SYNDIG1L: variants seen among roughly 807,000 people sequenced by gnomAD.
SYNDIG1L encodes the protein synapse differentiation inducing 1 like.
A neutral mutation model predicts 20.1 loss-of-function variants in SYNDIG1L; 13 were observed. That is an observed-to-expected ratio of 0.65 (90% CI 0.42 to 1.03). The LOEUF is 1.03. Among genes scored for constraint, SYNDIG1L ranks in the 50% least tolerant of loss-of-function variants. SYNDIG1L has a pLI of 0.00. For synonymous variants in SYNDIG1L, 128 were observed against 129.3 expected, an observed-to-expected ratio of 0.99 and a Z score of 0.07; for missense variants, 294 against 305.1, an observed-to-expected ratio of 0.96 and a Z score of 0.27.
chr14:74,415,396 T>G (rs1373296296), intron 1 of SYNDIG1L, among the ~76,000 whole-genome samples: 2 of 152,180 alleles, frequency 1.3e-5, no homozygotes, highest in Non-Finnish European at 2.9e-5. Flanking sequence ...GGGTGGGGCC[T>G]GGGAATTTGC....
chr14:74,418,357 A>G (rs1232330727), intron 1 of SYNDIG1L, among the ~76,000 whole-genome samples: 1 of 152,240 alleles, frequency 6.6e-6, no homozygotes, highest in African/African-American at 2.4e-5. Context: ...TCTTTGTCTC[A>G]GTTTGCCTTC....
chr14:74,471,300 T>C, the SYNDIG1L span, among the ~76,000 whole-genome samples: 1 of 152,064 alleles, frequency 6.6e-6, no homozygotes, highest in African/African-American at 2.4e-5. Flanking sequence ...ATCTTGATAA[T>C]AAAGTCTAAT....
In SYNDIG1L at chr14:74,407,391, G is replaced by A; in HGVS notation, c.*144C>T. The A allele has an allele frequency of 8.6e-7, 1 of 1,169,410 alleles. No individual in the cohort carries two copies. The allele number at this position is 1,169,410 out of a possible 1,614,324, so 72.4% of individuals were successfully genotyped here. ...CAGAAGTGAAGGCTGAGCTCTGCAG[G>A]CTGTGGAATGGGGGTCTCCCCCTCA... On this transcript the variant is annotated 3_prime_UTR_variant, in exon 4 of 4. Coordinates refer to ENST00000331628, the MANE Select transcript of SYNDIG1L (RefSeq NM_001105579.2).
chr14:74,424,146 C>T (rs2086246997), intron 1 of SYNDIG1L, among the ~76,000 whole-genome samples: 1 of 152,164 alleles, frequency 6.6e-6, no homozygotes. Flanking sequence ...ATCCTGTATT[C>T]AAGCAGAATT....
At chr14:74,446,342 A>C in the SYNDIG1L span, among the ~76,000 whole-genome samples, 1 of 151,838 alleles carries the variant, frequency 6.6e-6, no homozygotes, top group African/African-American at 2.4e-5. Flanking sequence ...GAAATTTTCT[A>C]AAATAAGCAC....
chr14:74,436,047 G>A, the SYNDIG1L span, among the ~76,000 whole-genome samples: 128 of 152,278 alleles, frequency 8.4e-4, no homozygotes, highest in African/African-American at 2.8e-3. Flanking sequence ...ACAGAAAACA[G>A]GGTAGGTTCT....
chr14:74,457,217 C>T, the SYNDIG1L span, among the ~76,000 whole-genome samples: 3 of 152,088 alleles, frequency 2.0e-5, no homozygotes, highest in African/African-American at 7.2e-5. Flanking sequence ...AAGGCGTCAC[C>T]CCACTTGCCT....
chr14:74,474,333 TG>T, the SYNDIG1L span: 7 of 152,110 alleles, frequency 4.6e-5, no homozygotes, highest in East Asian at 5.8e-4. Flanking sequence ...CAGTGGCCAC[TG>T]TCTGGGAGAT....
At chr14:74,444,423 A>G in the SYNDIG1L span, among the ~76,000 whole-genome samples, 1 of 152,036 alleles carries the variant, frequency 6.6e-6, no homozygotes, top group Non-Finnish European at 1.5e-5. Context: ...AAGATCAGTA[A>G]ATGAGAAAAA....
At chr14:74,468,529 T>C in the SYNDIG1L span, among the ~76,000 whole-genome samples, 6 of 152,084 alleles carry the variant, frequency 3.9e-5, no homozygotes, top group Non-Finnish European at 7.4e-5. Context: ...CCTCTGGCAA[T>C]GAACTCCCAA....
intron 1 of SYNDIG1L, among the ~76,000 whole-genome samples, chr14:74,422,116 C>T (rs2086226910): frequency 6.6e-6 from 1 of 152,140 alleles, no homozygotes; most frequent in Admixed American, 6.5e-5. Flanking sequence ...CAGCTCATTC[C>T]CAACCACTTA....
chr14:74,470,334 T>C, the SYNDIG1L span, among the ~76,000 whole-genome samples: 1 of 152,206 alleles, frequency 6.6e-6, no homozygotes, highest in Admixed American at 6.5e-5. Context: ...CCAGAACCCT[T>C]GGCTTGCTAC....
the SYNDIG1L span, among the ~76,000 whole-genome samples, chr14:74,467,467 TATG>T: frequency 1.3e-5 from 2 of 151,980 alleles, no homozygotes; most frequent in Non-Finnish European, 2.9e-5. Flanking sequence ...GGGCTCAGAT[TATG>T]AAGTTCCCCT....
upstream of SYNDIG1L, among the ~76,000 whole-genome samples, chr14:74,430,892 C>T (rs1018044661): frequency 6.6e-6 from 1 of 152,116 alleles, no homozygotes; most frequent in Non-Finnish European, 1.5e-5. Flanking sequence ...TTCTTATAAA[C>T]ATGTATAATT....
chr14:74,462,918 C>T, the SYNDIG1L span, among the ~76,000 whole-genome samples: 168 of 152,308 alleles, frequency 1.1e-3, no homozygotes, highest in African/African-American at 3.7e-3. Context: ...TTGGAAGTGA[C>T]AGTCCATCCC....
the SYNDIG1L span, among the ~76,000 whole-genome samples, chr14:74,473,353 C>G: frequency 1.3e-5 from 2 of 152,044 alleles, no homozygotes; most frequent in African/African-American, 4.8e-5. Context: ...CCACTGCACT[C>G]TAGCCTGGGC....
the SYNDIG1L span, among the ~76,000 whole-genome samples, chr14:74,467,478 C>T: frequency 1.3e-5 from 2 of 152,120 alleles, no homozygotes; most frequent in Non-Finnish European, 2.9e-5. Flanking sequence ...ATGAAGTTCC[C>T]CTCCACCCCC....
In SYNDIG1L at chr14:74,409,389, G is replaced by A. The variant is rs775523668; in HGVS notation, c.356C>T (p.Thr119Ile). 1.2e-6 allele frequency: 2 copies of A among 1,612,516 alleles called. No homozygotes were observed. The highest frequency in any genetic ancestry group is 1.7e-6 in the Non-Finnish European group (2 of 1,179,426). The stretch of plus-strand genomic sequence containing the variant: ...CTCCTCTTGTACCCCATAGGACACA[G>A]TCTGGATGGTGACATTCTCTGCAGC... Reference protein sequence around the residue: ...GQAAENVTIQTVSYGVQEELR... With the variant: ...GQAAENVTIQIVSYGVQEELR... Residue 119 changes from threonine (T) to isoleucine (I), a missense_variant, in exon 2 of 4, where the codon ACT becomes ATT. Thr to Ile is a moderately conservative substitution (Grantham distance 89). Transcript: ENST00000331628.
At chr14:74,427,839 C>G (rs992023787), upstream of SYNDIG1L, among the ~76,000 whole-genome samples, 1 of 152,218 alleles carries the variant, frequency 6.6e-6, no homozygotes, top group African/African-American at 2.4e-5. Flanking sequence ...CCTCCTGTAC[C>G]TTTGCTTTCT....
Sources: allele counts gnomAD v4.1 joint callset (sites outside exome capture counted in the v4.1 genomes callset), GRCh38; gene constraint gnomAD v4.1.1; transcripts MANE v1.5; gene names NCBI Gene and HGNC (gene_info 2026-07-23, HGNC 2026-07-21).